The following ATP10B variants were observed in gnomAD, a reference collection of about 807,000 sequenced individuals.
The protein encoded by ATP10B is phospholipid-transporting ATPase VB.
Under a neutral mutation model 141.2 loss-of-function variants are expected in ATP10B, and 122 were observed. That is an observed-to-expected ratio of 0.86 (90% CI 0.75 to 1.00). The LOEUF (loss-of-function observed/expected upper bound fraction) is 1.00, where lower values mean the gene tolerates loss of function less well. Among genes scored for constraint, ATP10B ranks in the 50% least tolerant of loss-of-function variants. The pLI is 0.00. For missense variants in ATP10B, 1,876 were observed against 1,825.3 expected, an observed-to-expected ratio of 1.03 and a Z score of -0.51; for synonymous variants, 685 against 692.0, an observed-to-expected ratio of 0.99 and a Z score of 0.16.
intron 1 of ATP10B, among the ~76,000 whole-genome samples, chr5:160,822,664 A>T (rs1422112907): frequency 6.6e-6 from 1 of 152,060 alleles, no homozygotes; most frequent in South Asian, 2.1e-4. Flanking sequence ...TATACATAAT[A>T]TAGTATTCTT....
chr5:160,827,834 T>G (rs7736129), intron 1 of ATP10B, among the ~76,000 whole-genome samples: 5,874 of 152,252 alleles, frequency 0.039, 129 homozygotes, highest in South Asian at 0.089. Context: ...GCAATTCATT[T>G]ATTAAATAGG....
At chr5:160,783,013 T>G (rs956277739) in intron 2 of ATP10B, among the ~76,000 whole-genome samples, 1 of 152,092 alleles carries the variant, frequency 6.6e-6, no homozygotes, top group East Asian at 1.9e-4. Flanking sequence ...CCAGGAGAAC[T>G]TTTTAATTCA....
At chr5:160,830,372 C>T (rs1288426453) in intron 1 of ATP10B, among the ~76,000 whole-genome samples, 2 of 152,044 alleles carry the variant, frequency 1.3e-5, no homozygotes, top group African/African-American at 4.8e-5. Flanking sequence ...GGCATTGTGA[C>T]AGTTGACTTT....
In ATP10B at chr5:160,787,916, G is replaced by A. The variant is rs77003686; in HGVS notation, c.-575-2113C>T. Among the ~76,000 whole-genome samples the A allele has an allele frequency of 1.1e-3, 167 of 152,282 alleles. 3 individuals carry two copies. In the East Asian group the frequency reaches 0.03, roughly 28 times the overall value. On this transcript the variant is annotated intron_variant, in intron 1 of 25. Transcript: ENST00000327245. ...TTAATTAGATGCCAACAGCTAAGAA[G>A]AACGTTTCAATTAACAATCCAGATT...
In ATP10B at chr5:160,742,915, C is replaced by T. The variant is rs185736196; in HGVS notation, c.-330-25881G>A. 2.6e-5 allele frequency among the ~76,000 whole-genome samples: 4 copies of T among 152,120 alleles called. No individual in the cohort carries two copies. In the East Asian group the frequency reaches 7.7e-4, roughly 29 times the overall value. On this transcript the variant is annotated intron_variant, in intron 2 of 25. Transcript: ENST00000327245. ...TTCAACAAAAGTTCCTAAGGCAATCCCTTGACTGCATGAAGGTGTTACCTC... is the reference window on the plus strand; with the variant it reads ...TTCAACAAAAGTTCCTAAGGCAATCTCTTGACTGCATGAAGGTGTTACCTC...
chr5:160,808,470 T>C (rs554597709), intron 1 of ATP10B, among the ~76,000 whole-genome samples: 29 of 152,172 alleles, frequency 1.9e-4, no homozygotes, highest in Admixed American at 1.7e-3. Flanking sequence ...GTGTTCTGTT[T>C]TTGCTAATCA....
At chr5:160,647,394 C>A (rs1028639013) in intron 8 of ATP10B, among the ~76,000 whole-genome samples, 1 of 152,132 alleles carries the variant, frequency 6.6e-6, no homozygotes, top group Non-Finnish European at 1.5e-5. Context: ...ACTCCGCAGT[C>A]CAACTGGACT....
the ATP10B span, among the ~76,000 whole-genome samples, chr5:160,904,064 T>A: frequency 6.6e-6 from 1 of 152,040 alleles, no homozygotes; most frequent in Admixed American, 6.6e-5. Flanking sequence ...CCTGATGAGG[T>A]TACCACCTGT....
At chr5:160,882,761 A>G in the ATP10B span, among the ~76,000 whole-genome samples, 1 of 152,202 alleles carries the variant, frequency 6.6e-6, no homozygotes, top group Non-Finnish European at 1.5e-5. Context: ...CAAGTTAAGA[A>G]TAATGAACAC....
intron 14 of ATP10B, 130 bp downstream of exon 14, chr5:160,622,264 G>T: frequency 1.2e-6 from 1 of 866,284 alleles, no homozygotes; most frequent in Non-Finnish European, 1.7e-6. Flanking sequence ...GTTTCACTGT[G>T]ATGAAATGAC....
chr5:160,697,077 AT>A (rs1359017317), intron 3 of ATP10B, among the ~76,000 whole-genome samples: 3 of 152,174 alleles, frequency 2.0e-5, no homozygotes, highest in Admixed American at 2.0e-4. Context: ...CTTTTTCCAC[AT>A]TTTAATAAAT....
rs59838384 is a variant in ATP10B at position 160,586,224 on chromosome 5, T to C, written c.3750+3368A>G. On this transcript the variant is annotated intron_variant, in intron 24 of 25. Coordinates refer to ENST00000327245, the MANE Select transcript of ATP10B (RefSeq NM_025153.3). ...ACTCCCACTTATCAGTGAGAACATG[T>C]GGTGTTTGGTTTTCTGTTCCTGTGT... is the stretch of plus-strand genomic sequence containing the variant. 1.9e-3 allele frequency among the ~76,000 whole-genome samples: 293 copies of C among 152,240 alleles called. 1 individual carries two copies. The highest frequency in any genetic ancestry group is 6.7e-3 in the African/African-American group (280 of 41,550).
At chr5:160,626,916 C>T (rs1758640838) in intron 13 of ATP10B, among the ~76,000 whole-genome samples, 1 of 152,168 alleles carries the variant, frequency 6.6e-6, no homozygotes, top group African/African-American at 2.4e-5. Flanking sequence ...TTTGTTGCTA[C>T]AGGAATCCAG....
chr5:160,918,489 GACCATGATATTCACCATGATATTC>G, the ATP10B span, among the ~76,000 whole-genome samples: 2 of 152,140 alleles, frequency 1.3e-5, no homozygotes, highest in African/African-American at 2.4e-5. Flanking sequence ...AGGCTAGATA[GACCATGATATTCACCATGATATTC>G]ACCATGATAT....
chr5:160,826,063 G>A (rs1376685999), intron 1 of ATP10B, among the ~76,000 whole-genome samples: 2 of 152,102 alleles, frequency 1.3e-5, no homozygotes, highest in Non-Finnish European at 2.9e-5. Context: ...CATTGTTGAT[G>A]GGCACCTAGG....
the ATP10B span, among the ~76,000 whole-genome samples, chr5:160,865,930 T>G: frequency 6.6e-6 from 1 of 152,166 alleles, no homozygotes; most frequent in Non-Finnish European, 1.5e-5. Context: ...TTGGTGTGGA[T>G]GTGGTGAAAA....
chr5:160,790,316 C>T (rs560077231), intron 1 of ATP10B, among the ~76,000 whole-genome samples: 1 of 152,176 alleles, frequency 6.6e-6, no homozygotes, highest in East Asian at 1.9e-4. Context: ...ACTCAAGAAA[C>T]CTAAGTAATT....
the ATP10B span, among the ~76,000 whole-genome samples, chr5:160,857,425 TGTCA>T: frequency 2.6e-5 from 4 of 151,860 alleles, no homozygotes; most frequent in Admixed American, 6.6e-5. Context: ...TCTATTCTCT[TGTCA>T]GTCTTGCTGG....
the ATP10B span, among the ~76,000 whole-genome samples, chr5:160,898,816 T>TA: frequency 6.6e-6 from 1 of 151,932 alleles, no homozygotes. Context: ...CATGCAGCCA[T>TA]AAAAAAGGAT....
Sources: gnomAD v4.1 joint callset for allele counts (sites outside exome capture counted in the v4.1 genomes callset) on GRCh38, gnomAD v4.1.1 for gene constraint, MANE v1.5 for transcripts, NCBI Gene and HGNC (gene_info 2026-07-23, HGNC 2026-07-21) for gene names.